The following HECW1 variants were observed in gnomAD, a reference collection of about 807,000 sequenced individuals.
HECW1 encodes HECT, C2 and WW domain containing E3 ubiquitin protein ligase 1.
In HECW1, 61 loss-of-function variants were observed where a neutral mutation model predicts 182.3. That is an observed-to-expected ratio of 0.33 (90% confidence interval 0.27 to 0.41). The LOEUF is 0.41. Ranked by LOEUF, HECW1 falls within the 10% of genes least tolerant of loss-of-function variation. HECW1 has a pLI of 1.00. For missense variants in HECW1, 1,739 were observed against 2,108.9 expected (o/e 0.82, Z 3.44); for synonymous variants, 859 against 832.6 (o/e 1.03, Z -0.55).
At chr7:43,424,322 T>TA (rs533434276) in intron 8 of HECW1, among the ~76,000 whole-genome samples, 7 of 152,226 alleles carry the variant, frequency 4.6e-5, no homozygotes, top group African/African-American at 1.2e-4. Flanking sequence ...AAAAAGTTAC[T>TA]AAAAAAATAC....
intron 5 of HECW1, among the ~76,000 whole-genome samples, chr7:43,354,656 A>G (rs1259004068): frequency 6.6e-6 from 1 of 152,192 alleles, no homozygotes; most frequent in Non-Finnish European, 1.5e-5. Context: ...ATCACCTACA[A>G]GACATAGAAA....
At chr7:43,328,446 C>T (rs564585542) in intron 5 of HECW1, among the ~76,000 whole-genome samples, 5 of 152,346 alleles carry the variant, frequency 3.3e-5, no homozygotes, top group South Asian at 2.1e-4. Flanking sequence ...AGAGGGGCTG[C>T]GGTTGCTGCT....
chr7:43,179,764 A>G (rs541878889), intron 2 of HECW1, among the ~76,000 whole-genome samples: 51 of 152,332 alleles, frequency 3.3e-4, no homozygotes, highest in Admixed American at 1.5e-3. Flanking sequence ...TAACATCCAA[A>G]TTTTCCCAAT....
chr7:43,247,906 A>T, intron 3 of HECW1, among the ~76,000 whole-genome samples: 1 of 139,632 alleles, frequency 7.2e-6, no homozygotes, highest in South Asian at 2.4e-4. Flanking sequence ...GGAAGGAAGG[A>T]AGGAGGGAGG....
At chr7:43,201,808 T>C (rs1232190463) in intron 2 of HECW1, among the ~76,000 whole-genome samples, 2 of 152,136 alleles carry the variant, frequency 1.3e-5, no homozygotes, top group Non-Finnish European at 2.9e-5. Context: ...AAAAAATATA[T>C]GCTTGAAGAT....
intron 2 of HECW1, among the ~76,000 whole-genome samples, chr7:43,168,494 C>CA (rs1369849216): frequency 2.6e-5 from 4 of 151,922 alleles, no homozygotes; most frequent in African/African-American, 9.7e-5. Flanking sequence ...CCTATCTTCT[C>CA]AAAATTTTTT....
At chr7:43,117,947 G>T (rs1248943198) in intron 2 of HECW1, 2 of 152,590 alleles carry the variant, frequency 1.3e-5, no homozygotes, top group Non-Finnish European at 2.9e-5. Flanking sequence ...GCATATGGAG[G>T]CCTGAAAAAT....
At chr7:43,206,644 C>G (rs1008163268) in intron 2 of HECW1, among the ~76,000 whole-genome samples, 2 of 152,190 alleles carry the variant, frequency 1.3e-5, no homozygotes, top group Non-Finnish European at 2.9e-5. Context: ...TTCCCTCCCC[C>G]ACCTCCCATA....
intron 4 of HECW1, among the ~76,000 whole-genome samples, chr7:43,317,921 G>A (rs1809553565): frequency 6.6e-6 from 1 of 151,298 alleles, no homozygotes. Flanking sequence ...TCATGTTCCT[G>A]TGGTTCCTTG....
chr7:43,159,499 T>TA (rs891140130), intron 2 of HECW1, among the ~76,000 whole-genome samples: 5 of 152,090 alleles, frequency 3.3e-5, no homozygotes, highest in Admixed American at 6.6e-5. Context: ...TTAGTTTCCT[T>TA]AAAAAAAATT....
intron 2 of HECW1, among the ~76,000 whole-genome samples, chr7:43,115,268 T>C (rs1784948669): frequency 6.7e-6 from 1 of 150,004 alleles, no homozygotes; most frequent in African/African-American, 2.4e-5. Context: ...ATTTTCCCCA[T>C]AAGTGAAATT....
intron 2 of HECW1, among the ~76,000 whole-genome samples, chr7:43,196,096 T>A (rs1232901344): frequency 6.6e-6 from 1 of 152,196 alleles, no homozygotes; most frequent in East Asian, 1.9e-4. Context: ...GTCTTTTTGC[T>A]AGTCATGTGA....
intron 2 of HECW1, among the ~76,000 whole-genome samples, chr7:43,219,036 G>A (rs1217295263): frequency 1.3e-5 from 2 of 152,140 alleles, no homozygotes; most frequent in African/African-American, 4.8e-5. Context: ...ATAGGGCTCA[G>A]GGGATTGGTT....
chr7:43,206,006 C>A (rs1795442640), intron 2 of HECW1, among the ~76,000 whole-genome samples: 1 of 152,190 alleles, frequency 6.6e-6, no homozygotes, highest in Admixed American at 6.5e-5. Flanking sequence ...CTGCCACTTC[C>A]TCCCCTGGAC....
At chr7:43,415,574 C>T (rs2075965193) in intron 8 of HECW1, among the ~76,000 whole-genome samples, 1 of 151,826 alleles carries the variant, frequency 6.6e-6, no homozygotes, top group Non-Finnish European at 1.5e-5. Context: ...GAACATTGGC[C>T]TGCCTTGCTA....
rs981838272 is a variant in HECW1 at position 43,563,727 on chromosome 7, G to A, written c.*1801G>A. On this transcript the variant is annotated 3_prime_UTR_variant, in exon 30 of 30. Coordinates refer to ENST00000395891, the MANE Select transcript of HECW1 (RefSeq NM_015052.5). ...CTACTAAAAATACAAAAATTAGCCGGGCGTGATGGCACATGCCGGTAGTCC... is the reference window on the plus strand; with the variant it reads ...CTACTAAAAATACAAAAATTAGCCGAGCGTGATGGCACATGCCGGTAGTCC... 3 of 175,320 alleles carry A rather than the reference G, an allele frequency of 1.7e-5. No homozygotes were observed. The highest frequency in any genetic ancestry group is 7.1e-5 in the African/African-American group (3 of 42,160). The allele number at this position is 175,320 out of a possible 1,614,324, so 10.9% of individuals were successfully genotyped here.
chr7:43,318,458 T>C (rs1271031360), intron 4 of HECW1, among the ~76,000 whole-genome samples: 1 of 152,178 alleles, frequency 6.6e-6, no homozygotes, highest in East Asian at 1.9e-4. Flanking sequence ...ATACAAACAG[T>C]TCTTATCGGT....
chr7:43,307,822 G>A (rs948777246), intron 3 of HECW1, among the ~76,000 whole-genome samples: 3 of 147,924 alleles, frequency 2.0e-5, no homozygotes, highest in African/African-American at 7.5e-5. Context: ...TAAAAATGGG[G>A]TAAATAGGTG....
intron 2 of HECW1, among the ~76,000 whole-genome samples, chr7:43,224,148 T>A (rs560240249): frequency 6.6e-6 from 1 of 152,354 alleles, no homozygotes; most frequent in South Asian, 2.1e-4. Context: ...ACTGCTGTCT[T>A]CTGTCATCTA....
Sources: allele counts gnomAD v4.1 joint callset (sites outside exome capture counted in the v4.1 genomes callset), GRCh38; gene constraint gnomAD v4.1.1; transcripts MANE v1.5; gene names NCBI Gene and HGNC (gene_info 2026-07-23, HGNC 2026-07-21).